Variants in MYO18A observed in about 807,000 individuals in gnomAD.
MYO18A encodes the protein unconventional myosin-XVIIIa.
A neutral mutation model predicts 235.8 loss-of-function variants in MYO18A; 78 were observed. The ratio of observed to expected loss-of-function variants is 0.33; its 90% CI spans 0.28 to 0.40. The LOEUF (loss-of-function observed/expected upper bound fraction) is 0.40. Ranked by LOEUF, MYO18A falls within the 10% of genes least tolerant of loss-of-function variation. The probability of loss-of-function intolerance (pLI) is 1.00; values close to 1 mark genes in which losing one functional copy is unlikely to be tolerated. For missense variants in MYO18A, 2,215 were observed against 2,699.3 expected (o/e 0.82, Z 3.98); for synonymous variants, 977 against 1,077.8 (o/e 0.91, Z 1.83).
rs2067096557 is a variant in MYO18A at position 29,117,293 on chromosome 17, A to T, written c.2038+752T>A. On this transcript the variant is annotated intron_variant, in intron 10 of 41. Coordinates refer to ENST00000527372, the MANE Select transcript of MYO18A (RefSeq NM_078471.4). The surrounding 1 kb of genome is among the most constrained non-coding windows in gnomAD (Gnocchi z 4.6). Reference sequence around the variant, plus strand: ...AGCGCAAGTGCCAAAGCTGCAGCCCATTCGTTACCACGGTGCCTGCTGCCC... The same window carrying T: ...AGCGCAAGTGCCAAAGCTGCAGCCCTTTCGTTACCACGGTGCCTGCTGCCC... Among the ~76,000 whole-genome samples the T allele has an allele frequency of 6.6e-6, 1 of 152,172 alleles. No homozygotes were observed. Among genetic ancestry groups the T allele is most frequent in the African/African-American group, 2.4e-5 (1 of 41,452 alleles).
intron 2 of MYO18A, chr17:29,133,634 G>T: frequency 2.3e-6 from 1 of 432,700 alleles, no homozygotes; most frequent in Non-Finnish European, 4.3e-6. Context: ...AGAATAGGGA[G>T]TTCACCAGCC....
intron 28 of MYO18A, among the ~76,000 whole-genome samples, chr17:29,096,019 C>T (rs2066510777): frequency 6.6e-6 from 1 of 152,166 alleles, no homozygotes; most frequent in Admixed American, 6.5e-5. Context: ...CTATTTTCCC[C>T]AGCTGGGGAG....
intron 34 of MYO18A, 96 bp from the exon 35 acceptor site, chr17:29,091,022 T>A (rs2066385883): frequency 2.0e-6 from 2 of 992,108 alleles, no homozygotes; most frequent in Non-Finnish European, 3.1e-6. Flanking sequence ...GAGAAGATGA[T>A]AATGGGCTGA....
chr17:29,092,805 A>G (rs1389814827), intron 33 of MYO18A, 50 bp downstream of exon 33: 1 of 1,595,234 alleles, frequency 6.3e-7, no homozygotes, highest in African/African-American at 1.3e-5. Context: ...AAGAGAATGG[A>G]AAGGTAAGCT....
chr17:29,085,544 G>T, intron 40 of MYO18A, 60 bp downstream of exon 40: 1 of 1,537,556 alleles, frequency 6.5e-7, no homozygotes, highest in Non-Finnish European at 9.0e-7. Context: ...GGGAGCCAGT[G>T]TTAGGGGTGG....
rs1483338646 is a variant in MYO18A at position 29,110,092 on chromosome 17, T to C, written c.3097A>G (p.Ile1033Val). The change falls in exon 19 of 42, where the codon ATC (isoleucine) becomes GTC (valine). Residue 1033 changes from isoleucine to valine, a missense_variant. Transcript: ENST00000527372. ...IQMKLQVDAL[I>V]DTIKKSKLHF... ...AGCTTTGACTTCTTGATGGTGTCGA[T>C]GAGGGCGTCCTGCCGAGGGGAAGAG... 2.5e-6 allele frequency: 4 copies of C among 1,610,544 alleles called. No individual in the cohort carries two copies. Among genetic ancestry groups the C allele is most frequent in the Non-Finnish European group, 3.4e-6 (4 of 1,179,566 alleles).
At chr17:29,076,184 C>A (rs2065971845) in intron 41 of MYO18A, 1 of 153,062 alleles carries the variant, frequency 6.5e-6, no homozygotes, top group Non-Finnish European at 1.5e-5. Flanking sequence ...TTCACAATAA[C>A]CCTATGAAAT....
At chr17:29,174,754 G>C (rs540090133) in intron 1 of MYO18A, among the ~76,000 whole-genome samples, 16 of 152,248 alleles carry the variant, frequency 1.1e-4, no homozygotes, top group African/African-American at 3.9e-4. Flanking sequence ...GGAGGTTGCA[G>C]TGAGCCGAGA....
Position 29,073,636 on chromosome 17 carries a change from C to A in MYO18A, c.*1134G>T, listed in dbSNP as rs1447365790. On this transcript the variant is annotated 3_prime_UTR_variant, in exon 42 of 42. Transcript: ENST00000527372. ...GGCGGCAGATGGGAGCAGCACCAGG[C>A]ACTGCACTTGGGCTCCCAAGTCTGG... 5 of 542,416 alleles carry A rather than the reference C, an allele frequency of 9.2e-6. No homozygotes were observed. The highest frequency in any genetic ancestry group is 3.2e-5 in the Admixed American group (1 of 31,244). 33.6% of individuals were successfully genotyped at this position (542,416 alleles called of 1,614,324 possible).
In MYO18A at chr17:29,111,048, G is replaced by A. The variant is rs1366013153; in HGVS notation, c.2900+376C>T. Among the ~76,000 whole-genome samples, 1 of 152,218 alleles carries A rather than the reference G, an allele frequency of 6.6e-6. No individual in the cohort carries two copies. The highest frequency in any genetic ancestry group is 1.5e-5 in the Non-Finnish European group (1 of 68,042). ...AAATTCCACAAGGGCAGGGAGTTCA[G>A]TTTTGTTTACTATTATCTGCCAAGC... On this transcript the variant is annotated intron_variant, in intron 17 of 41. Coordinates refer to ENST00000527372, the MANE Select transcript of MYO18A (RefSeq NM_078471.4). This position sits in a 1 kb window ranked among gnomAD's most constrained non-coding sequence, Gnocchi z 5.1.
intron 2 of MYO18A, chr17:29,127,925 C>G (rs937067989): frequency 1.0e-4 from 101 of 998,464 alleles, no homozygotes; most frequent in Non-Finnish European, 1.2e-4. Flanking sequence ...GCCGGTGGAG[C>G]CTGGGGTCAC....
rs1370684431 is a variant in MYO18A at position 29,118,014 on chromosome 17, G to A, written c.2038+31C>T. On this transcript the variant is annotated intron_variant, in intron 10 of 41. Transcript: ENST00000527372. This position sits in a 1 kb window ranked among gnomAD's most constrained non-coding sequence, Gnocchi z 4.2. Reference sequence around the variant, plus strand: ...TCCCTGTGAGGTCACCCAGGGGACAGGCCAGCCTACTGGGACCCACTGCAG... The same window carrying A: ...TCCCTGTGAGGTCACCCAGGGGACAAGCCAGCCTACTGGGACCCACTGCAG... 2 of 1,561,350 alleles carry A rather than the reference G, an allele frequency of 1.3e-6. No individual in the cohort carries two copies. Among genetic ancestry groups the A allele is most frequent in the African/African-American group, 1.4e-5 (1 of 73,546 alleles).
chr17:29,139,450 C>T (rs2067683322), intron 2 of MYO18A, among the ~76,000 whole-genome samples: 2 of 152,192 alleles, frequency 1.3e-5, no homozygotes, highest in African/African-American at 4.8e-5. Context: ...ATACTGCCCA[C>T]ACAACTCAGC....
At chr17:29,089,606 G>A (rs4965415) in intron 37 of MYO18A, among the ~76,000 whole-genome samples, 63,610 of 151,702 alleles carry the variant, frequency 0.42, 14,619 homozygotes, top group East Asian at 0.84. Flanking sequence ...TCCAGCCTGC[G>A]CAGAAGTGGC....
At chr17:29,090,249 G>T in intron 36 of MYO18A, 151 bp from the exon 37 acceptor site, 1 of 886,922 alleles carries the variant, frequency 1.1e-6, no homozygotes, top group South Asian at 1.8e-5. Context: ...TGGGCCAGAG[G>T]CCTCCCCCAT....
rs1381108168 is a variant in MYO18A, at chr17:29,071,813, CT to C, written c.*2956del. ...TATGATGTGTTCCTCTCTACCCACTCTAAGCTTATGCATACTAGCAGGTGCA... is the reference window on the plus strand; with the variant it reads ...TATGATGTGTTCCTCTCTACCCACTCAAGCTTATGCATACTAGCAGGTGCA... On this transcript the variant is annotated 3_prime_UTR_variant, in exon 42 of 42. Transcript: ENST00000527372. 1.3e-5 allele frequency: 2 copies of C among 152,338 alleles called. No homozygotes were observed. Among genetic ancestry groups the C allele is most frequent in the Non-Finnish European group, 2.9e-5 (2 of 68,050 alleles). The allele number at this position is 152,338 out of a possible 1,614,324, so 9.4% of individuals were successfully genotyped here.
intron 36 of MYO18A, among the ~76,000 whole-genome samples, chr17:29,090,325 G>A (rs2066366495): frequency 1.3e-5 from 2 of 152,204 alleles, no homozygotes; most frequent in South Asian, 4.1e-4. Flanking sequence ...GATCGGAGAG[G>A]GAATACAGAT....
chr17:29,157,235 C>T (rs1220506583), intron 2 of MYO18A, among the ~76,000 whole-genome samples: 1 of 152,228 alleles, frequency 6.6e-6, no homozygotes, highest in Non-Finnish European at 1.5e-5. Flanking sequence ...CCTTCCCTCT[C>T]CCGGCTCCCA....
chr17:29,085,685 G>A, intron 39 of MYO18A, 37 bp from the exon 40 acceptor site: 1 of 1,611,178 alleles, frequency 6.2e-7, no homozygotes, highest in South Asian at 1.1e-5. Flanking sequence ...AAGGGGTCCA[G>A]AGGAAACAGA....
Sources: gnomAD v4.1 joint callset for allele counts (sites outside exome capture counted in the v4.1 genomes callset) on GRCh38, gnomAD v4.1.1 for gene constraint, Gnocchi (gnomAD v3.1) non-coding constraint, MANE v1.5 for transcripts, NCBI Gene and HGNC (gene_info 2026-07-23, HGNC 2026-07-21) for gene names.